The following WDR11 variants were observed in gnomAD, a reference collection of about 807,000 sequenced individuals.
WDR11 encodes WD repeat-containing protein 11.
Under a neutral mutation model 151.2 loss-of-function variants are expected in WDR11, and 83 were observed. The observed-to-expected ratio is 0.55, with a 90% CI of 0.46 to 0.66. The LOEUF is 0.66. WDR11 is among the 30% of genes least tolerant of loss of function. WDR11 has a pLI of 0.00. For missense variants in WDR11, 1,301 were observed against 1,480.9 expected, an observed-to-expected ratio of 0.88 and a Z score of 1.99; for synonymous variants, 484 against 533.1, an observed-to-expected ratio of 0.91 and a Z score of 1.27.
intron 17 of WDR11, chr10:120,889,393 A>G: frequency 3.9e-6 from 2 of 508,144 alleles, no homozygotes; most frequent in Non-Finnish European, 7.1e-6. Context: ...ACCCACCACC[A>G]CGCCCGGCTA....
intron 3 of WDR11, 125 bp from the exon 4 acceptor site, chr10:120,859,984 A>AT (rs1846085120): frequency 1.5e-5 from 16 of 1,040,868 alleles, no homozygotes; most frequent in Non-Finnish European, 2.3e-5. Flanking sequence ...CACACGTCAC[A>AT]TTTGGGGCTG....
intron 20 of WDR11, among the ~76,000 whole-genome samples, chr10:120,900,721 A>G (rs1372031904): frequency 2.0e-5 from 3 of 152,192 alleles, no homozygotes; most frequent in Non-Finnish European, 4.4e-5. Context: ...CTTTAGTAAC[A>G]TTGTTAAGTT....
chr10:120,869,105 G>GTTTTTTTTTTTTTTT (rs1491035622), intron 9 of WDR11, among the ~76,000 whole-genome samples: 1 of 71,634 alleles, frequency 1.4e-5, no homozygotes, highest in Non-Finnish European at 3.3e-5. Context: ...ATAAATTACA[G>GTTTTTTTTTTTTTTT]GTTTTTTTTT....
At chr10:120,902,134 G>A (rs777906960) in intron 21 of WDR11, 123 bp from the exon 22 acceptor site, 60 of 824,474 alleles carry the variant, frequency 7.3e-5, no homozygotes, top group Non-Finnish European at 1.2e-4. Flanking sequence ...ACCTTGTCTT[G>A]TGTAAATTCT....
rs1659039506 is a variant in WDR11 at position 120,890,082 on chromosome 10, C to G, written c.2343+73C>G. The G allele has an allele frequency of 1.0e-5, 11 of 1,066,756 alleles. No individual in the cohort carries two copies. In the South Asian group the frequency reaches 1.5e-4, roughly 14 times the overall value. The allele number at this position is 1,066,756 out of a possible 1,614,324, so 66.1% of individuals were successfully genotyped here. On this transcript the variant is annotated intron_variant, in intron 18 of 28. Transcript: ENST00000263461. ...GGAACTGTGCTTTGTTAAAAAACTT[C>G]TTTCTGATTTAGAAATGAAAAGTAC...
At chr10:120,889,736 G>T in intron 17 of WDR11, 159 bp from the exon 18 acceptor site, 1 of 668,432 alleles carries the variant, frequency 1.5e-6, no homozygotes. Context: ...TTAAAGGGCA[G>T]GCCCTTTCTG....
intron 10 of WDR11, among the ~76,000 whole-genome samples, chr10:120,873,020 A>G (rs1447152879): frequency 1.3e-5 from 2 of 152,190 alleles, no homozygotes; most frequent in African/African-American, 2.4e-5. Flanking sequence ...AAAACACTAT[A>G]GAGACTGAAG....
chr10:120,908,450 C>T (rs912538442), intron 28 of WDR11, 106 bp from the exon 29 acceptor site: 11 of 1,242,606 alleles, frequency 8.9e-6, no homozygotes, highest in Non-Finnish European at 9.4e-6. Flanking sequence ...AGGTCCCTTC[C>T]GAGCAGCCAG....
At chr10:120,897,476 C>T (rs754228562) in intron 19 of WDR11, among the ~76,000 whole-genome samples, 29 of 152,124 alleles carry the variant, frequency 1.9e-4, no homozygotes, top group Non-Finnish European at 1.2e-4. Flanking sequence ...GGTGAATACC[C>T]CTTATCTAGA....
At position 120,890,020 on chromosome 10, in the gene WDR11, T is replaced by A; in HGVS notation, c.2343+11T>A. 6.5e-7 allele frequency: 1 copy of A among 1,537,708 alleles called. No homozygotes were observed. On this transcript the variant is annotated intron_variant, in intron 18 of 28. Coordinates refer to ENST00000263461, the MANE Select transcript of WDR11 (RefSeq NM_018117.12). ...TGGGATACTAAAGAGGTAGGCCCTC[T>A]CCATGAGGATAAAACGTAAATAAAT...
intron 19 of WDR11, among the ~76,000 whole-genome samples, chr10:120,899,209 A>C (rs1260112898): frequency 6.6e-6 from 1 of 152,126 alleles, no homozygotes; most frequent in Non-Finnish European, 1.5e-5. Flanking sequence ...TAGGGCCTAG[A>C]GTCTAAGAAG....
intron 4 of WDR11, chr10:120,862,470 T>C (rs1384115144): frequency 8.8e-6 from 3 of 340,346 alleles, no homozygotes; most frequent in Non-Finnish European, 1.6e-5. Flanking sequence ...GAACAAACAC[T>C]TGTTCTTTCT....
rs1477816661 is a variant in WDR11, at chr10:120,909,428, A to C, written c.*715A>C. 6.5e-6 allele frequency: 1 copy of C among 152,790 alleles called. No homozygotes were observed. Among genetic ancestry groups the C allele is most frequent in the Admixed American group, 6.5e-5 (1 of 15,298 alleles). 9.5% of individuals were successfully genotyped at this position (152,790 alleles called of 1,614,324 possible). A position where few individuals can be genotyped will look rare whatever the true frequency, so the allele number is the denominator to read the frequency against. ...GTACTTTAATGTTCTCTCTGTTCTA[A>C]TAGTTGAAGTATGAGATGTAACTAT... On this transcript the variant is annotated 3_prime_UTR_variant, in exon 29 of 29. Coordinates refer to ENST00000263461, the MANE Select transcript of WDR11 (RefSeq NM_018117.12).
chr10:120,904,036 T>TC lies in WDR11; in HGVS notation c.2932-9dup, dbSNP rs768164971. On this transcript the variant is annotated splice_polypyrimidine_tract_variant and intron_variant, in intron 23 of 28. Transcript: ENST00000263461. ...ATCCAGGCTTAATTTTTCTTTTTTT[T>TC]CCAATTCTAGAAATTTCAGCTAGAA... The TC allele has an allele frequency of 8.9e-5, 141 of 1,585,254 alleles. No homozygotes were observed. Among genetic ancestry groups the TC allele is most frequent in the Non-Finnish European group, 1.2e-4 (135 of 1,155,140 alleles).
Position 120,901,057 on chromosome 10 carries a change from A to C in WDR11, c.2646A>C (p.Glu882Asp). ...ISHVDYPENE[E>D]IKNLLQEQLN... ...ACAGTGACTATCCAGAAAATGAAGA[A>C]ATAAAGAATCTCCTCCAAGAACAGT... Residue 882 changes from glutamate (E) to aspartate (D), a missense_variant, in exon 21 of 29, where the codon GAA becomes GAC. Around this residue, in one of 3 missense-constraint regions of WDR11, gnomAD observed 589 missense variants for 670.6 expected, o/e 0.88. Transcript: ENST00000263461. 1.2e-6 allele frequency: 2 copies of C among 1,613,052 alleles called. No homozygotes were observed. The highest frequency in any genetic ancestry group is 1.1e-5 in the South Asian group (1 of 91,048).
chr10:120,879,195 TAAATC>T (rs1564706744), intron 12 of WDR11: 1 of 152,192 alleles, frequency 6.6e-6, no homozygotes, highest in African/African-American at 2.4e-5. Flanking sequence ...TAAAATGAAT[TAAATC>T]AAATAAATGG....
Position 120,878,445 on chromosome 10 carries a change from T to C in WDR11, c.1649T>C (p.Val550Ala), listed in dbSNP as rs779287029. Residue 550 changes from valine to alanine, a missense_variant, in exon 12 of 29, where the codon GTT (valine) becomes GCT (alanine). Coordinates refer to ENST00000263461, the MANE Select transcript of WDR11 (RefSeq NM_018117.12). ...MGLVRNELQLVDLPTGRSIAF... is the reference protein window; with the variant it reads ...MGLVRNELQLADLPTGRSIAF... ...TTAGTGAGAAATGAACTTCAACTGG[T>C]TGATCTTCCAACAGGTTTGTTTTTA... 3.3e-5 allele frequency: 53 copies of C among 1,612,952 alleles called. No homozygotes were observed. The highest frequency in any genetic ancestry group is 3.3e-4 in the Middle Eastern group (2 of 6,054).
At chr10:120,902,956 T>G in intron 22 of WDR11, 99 bp from the exon 23 acceptor site, 1 of 1,247,344 alleles carries the variant, frequency 8.0e-7, no homozygotes, top group South Asian at 1.3e-5. Flanking sequence ...TCCCAGTGGA[T>G]ATGTGACAAC....
Position 120,908,887 on chromosome 10 carries a change from A to G in WDR11, c.*174A>G, listed in dbSNP as rs907615154. ...GCACATAAGCATCTATGTTGAGAGT[A>G]AGTTTGTATCCTGCGTTGGTCTCAG... is the stretch of plus-strand genomic sequence containing the variant. On this transcript the variant is annotated 3_prime_UTR_variant, in exon 29 of 29. Transcript: ENST00000263461. The G allele has an allele frequency of 4.3e-6, 3 of 693,844 alleles. No individual in the cohort carries two copies. Among genetic ancestry groups the G allele is most frequent in the African/African-American group, 1.8e-5 (1 of 56,052 alleles). The allele number at this position is 693,844 out of a possible 1,614,324, so 43.0% of individuals were successfully genotyped here.
Sources: allele counts gnomAD v4.1 joint callset (sites outside exome capture counted in the v4.1 genomes callset), GRCh38; gene constraint gnomAD v4.1.1; regional missense constraint gnomAD v4.1.1; transcripts MANE v1.5; gene names NCBI Gene and HGNC (gene_info 2026-07-23, HGNC 2026-07-21).